Variants in CLHC1 observed in about 807,000 individuals in gnomAD.
The protein encoded by CLHC1 is clathrin heavy chain linker domain containing 1, also known as clathrin heavy chain linker domain-containing protein 1.
A neutral mutation model predicts 69.5 loss-of-function variants in CLHC1; 72 were observed. The observed-to-expected ratio is 1.04, with a 90% CI of 0.86 to 1.26. The LOEUF is 1.26. CLHC1 is among the 50% of genes most tolerant of loss of function. The pLI is 0.00. For missense variants in CLHC1, 790 were observed against 679.3 expected, an observed-to-expected ratio of 1.16 and a Z score of -1.81; for synonymous variants, 223 against 224.3, an observed-to-expected ratio of 0.99 and a Z score of 0.05.
intron 5 of CLHC1, among the ~76,000 whole-genome samples, 194 bp downstream of exon 5, chr2:55,212,479 A>AGTTT (rs1673099342): frequency 6.6e-6 from 1 of 152,182 alleles, no homozygotes; most frequent in Admixed American, 6.6e-5. Context: ...AACCCAGCTG[A>AGTTT]CTGAAACTCA....
intron 2 of CLHC1, among the ~76,000 whole-genome samples, chr2:55,223,712 C>T (rs977401512): frequency 2.0e-5 from 3 of 152,116 alleles, no homozygotes; most frequent in African/African-American, 7.2e-5. Flanking sequence ...GGCACCGCCC[C>T]CAGGAGCCTC....
rs769803367 is a variant in CLHC1, at chr2:55,206,361, G to C, written c.915C>G (p.Ile305Met). The part of the protein sequence containing the change: ...LHYIERFNEL[I>M]SLGEYEKAAC... ...CTGCCTTTTCATATTCACCAAGTGA[G>C]ATTAACTCATTAAACCTATAGCCAT... Residue 305 changes from isoleucine (I) to methionine (M), a missense_variant, in exon 9 of 13, where the codon ATC (isoleucine) becomes ATG (methionine). By Grantham distance (10) the Ile-to-Met change is conservative. Coordinates refer to ENST00000401408, the MANE Select transcript of CLHC1 (RefSeq NM_152385.4). 44 of 1,598,012 alleles carry C rather than the reference G, an allele frequency of 2.8e-5. No individual in the cohort carries two copies. Among genetic ancestry groups the C allele is most frequent in the African/African-American group, 4.0e-5 (3 of 74,566 alleles).
Position 55,209,493 on chromosome 2 carries a change from G to A in CLHC1, c.725C>T (p.Ser242Leu). ...TTTTACCCATGAACTAAGTGCCTGTGAAATTATCTGCAGTCTTTGATGACT... is the reference window on the plus strand; with the variant it reads ...TTTTACCCATGAACTAAGTGCCTGTAAAATTATCTGCAGTCTTTGATGACT... The part of the protein sequence containing the change: ...QFCHQRLQII[S>L]QALSSWVKSD... Residue 242 changes from serine (S) to leucine (L), a missense_variant, in exon 7 of 13, where the codon TCA becomes TTA. Ser to Leu is a moderately radical substitution (Grantham distance 145, BLOSUM62 -2). Transcript: ENST00000401408. 1 of 1,610,654 alleles carries A rather than the reference G, an allele frequency of 6.2e-7. No homozygotes were observed. The highest frequency in any genetic ancestry group is 8.5e-7 in the Non-Finnish European group (1 of 1,178,544).
At chr2:55,209,269 C>A in intron 7 of CLHC1, 135 bp downstream of exon 7, 1 of 611,796 alleles carries the variant, frequency 1.6e-6, no homozygotes, top group East Asian at 2.9e-5. Flanking sequence ...GGAAGAAACC[C>A]ATAGCGTAAC....
At chr2:55,193,693 C>T (rs1239179035) in intron 9 of CLHC1, among the ~76,000 whole-genome samples, 3 of 152,156 alleles carry the variant, frequency 2.0e-5, no homozygotes, top group Non-Finnish European at 4.4e-5. Flanking sequence ...GAAAACGGTG[C>T]AACCAAACAG....
chr2:55,225,912 G>A (rs1196443056), intron 2 of CLHC1: 1 of 152,196 alleles, frequency 6.6e-6, no homozygotes, highest in African/African-American at 2.4e-5. Flanking sequence ...TTACTGAAAG[G>A]CCGGGAGCGG....
Position 55,175,874 on chromosome 2 carries a change from C to G in CLHC1, c.1677G>C (p.Thr559=). 1 of 1,613,962 alleles carries G rather than the reference C, an allele frequency of 6.2e-7. No homozygotes were observed. Among genetic ancestry groups the G allele is most frequent in the African/African-American group, 1.3e-5 (1 of 75,044 alleles). ...CTGCAGCCTGAGATCGAAGAATAGA[C>G]GTGATGTCATTAGATAATTTGTCAA... The part of the protein sequence containing the change: ...NGFDKLSNDI[T]SILRSQAAVT... Residue 559 remains threonine, a synonymous_variant, in exon 13 of 13, where the codon ACG becomes ACC. Transcript: ENST00000401408.
chr2:55,192,262 G>A (rs1573637342), intron 9 of CLHC1, among the ~76,000 whole-genome samples: 1 of 152,010 alleles, frequency 6.6e-6, no homozygotes, highest in African/African-American at 2.4e-5. Flanking sequence ...TGGGATTACA[G>A]GCACTCACCA....
At position 55,174,526 on chromosome 2, in the gene CLHC1, A is replaced by G. The variant is rs1669213523; in HGVS notation, c.*1264T>C. Among the ~76,000 whole-genome samples, 1 of 152,196 alleles carries G rather than the reference A, an allele frequency of 6.6e-6. No homozygotes were observed. Among genetic ancestry groups the G allele is most frequent in the Admixed American group, 6.5e-5 (1 of 15,280 alleles). On this transcript the variant is annotated 3_prime_UTR_variant, in exon 13 of 13. Coordinates refer to ENST00000401408, the MANE Select transcript of CLHC1 (RefSeq NM_152385.4). ...CAGCTATCTTTTCCTAAGTTCCTCTATCATGTTATACACTTACACTACACA... is the reference window on the plus strand; with the variant it reads ...CAGCTATCTTTTCCTAAGTTCCTCTGTCATGTTATACACTTACACTACACA...
intron 2 of CLHC1, chr2:55,225,521 T>G (rs1047923184): frequency 6.6e-6 from 1 of 152,272 alleles, no homozygotes; most frequent in East Asian, 1.9e-4. Flanking sequence ...AGCTGAGTGC[T>G]GGCTTACAGC....
In CLHC1 at chr2:55,177,788, G is replaced by A; in HGVS notation, c.1385-7C>T. The A allele has an allele frequency of 1.9e-6, 3 of 1,590,330 alleles. No individual in the cohort carries two copies. Among genetic ancestry groups the A allele is most frequent in the Admixed American group, 1.8e-5 (1 of 54,868 alleles). Reference sequence around the variant, plus strand: ...AATAGCTGCAACAGGTCATCTGAAGGCAAAAATGAAAAAGTTTATCTCAAT... The same window carrying A: ...AATAGCTGCAACAGGTCATCTGAAGACAAAAATGAAAAAGTTTATCTCAAT... On this transcript the variant is annotated splice_region_variant and splice_polypyrimidine_tract_variant and intron_variant, in intron 11 of 12. Transcript: ENST00000401408.
chr2:55,190,641 G>C (rs567554633), intron 9 of CLHC1, among the ~76,000 whole-genome samples: 4 of 152,054 alleles, frequency 2.6e-5, no homozygotes, highest in African/African-American at 9.7e-5. Context: ...CTGCAGATTA[G>C]ATACTGAAGA....
intron 9 of CLHC1, among the ~76,000 whole-genome samples, chr2:55,188,088 A>C (rs2103751696): frequency 6.6e-6 from 1 of 152,258 alleles, no homozygotes; most frequent in Admixed American, 6.5e-5. Context: ...CCAAGGTGGG[A>C]GGATGGCTTA....
intron 5 of CLHC1, among the ~76,000 whole-genome samples, chr2:55,212,409 G>T (rs1316334237): frequency 6.6e-6 from 1 of 152,164 alleles, no homozygotes. Context: ...AGGTCTTTAG[G>T]TGATGCTGAT....
At chr2:55,183,335 C>T (rs1276588955) in intron 9 of CLHC1, among the ~76,000 whole-genome samples, 1 of 152,142 alleles carries the variant, frequency 6.6e-6, no homozygotes, top group Non-Finnish European at 1.5e-5. Flanking sequence ...AAGATATTAT[C>T]CAGTAAAAGA....
chr2:55,188,282 C>A (rs1670604204), intron 9 of CLHC1, among the ~76,000 whole-genome samples: 1 of 152,116 alleles, frequency 6.6e-6, no homozygotes, highest in South Asian at 2.1e-4. Context: ...TACCACTGCA[C>A]TCCAGCCTAG....
intron 9 of CLHC1, among the ~76,000 whole-genome samples, chr2:55,204,275 ACT>A (rs935277905): frequency 6.6e-6 from 1 of 152,098 alleles, no homozygotes; most frequent in African/African-American, 2.4e-5. Context: ...CAAGAGGGAA[ACT>A]CTGTCAAAAA....
intron 10 of CLHC1, among the ~76,000 whole-genome samples, chr2:55,181,246 G>T (rs966460742): frequency 2.6e-5 from 4 of 152,116 alleles, no homozygotes; most frequent in African/African-American, 7.2e-5. Flanking sequence ...CTCCCAAAAT[G>T]CTGGGATTAC....
chr2:55,216,708 C>T (rs148701549), intron 4 of CLHC1, among the ~76,000 whole-genome samples: 4 of 151,924 alleles, frequency 2.6e-5, no homozygotes, highest in Admixed American at 6.6e-5. Context: ...TTTTTTGTAA[C>T]GACAGGGACT....
Sources: gnomAD v4.1 joint callset for allele counts (sites outside exome capture counted in the v4.1 genomes callset) on GRCh38, gnomAD v4.1.1 for gene constraint, MANE v1.5 for transcripts, NCBI Gene and HGNC (gene_info 2026-07-23, HGNC 2026-07-21) for gene names.